COMMD7: variants seen among roughly 807,000 people sequenced by gnomAD.
The protein encoded by COMMD7 is COMM domain-containing protein 7.
A neutral mutation model predicts 34.8 loss-of-function variants in COMMD7; 28 were observed. The ratio of observed to expected loss-of-function variants is 0.80; its 90% CI spans 0.60 to 1.10. The LOEUF (loss-of-function observed/expected upper bound fraction) is 1.10, where lower values mean the gene tolerates loss of function less well. Ranked by LOEUF, COMMD7 falls within the 50% of genes least tolerant of loss-of-function variation. COMMD7 has a pLI of 0.00. For missense variants in COMMD7, 211 were observed against 241.6 expected (o/e 0.87, Z 0.84); for synonymous variants, 80 against 86.4 (o/e 0.93, Z 0.41).
At chr20:32,742,930 T>G (rs1027971846) in intron 1 of COMMD7, among the ~76,000 whole-genome samples, 1 of 152,008 alleles carries the variant, frequency 6.6e-6, no homozygotes, top group Admixed American at 6.6e-5. Context: ...ACGCCCTTAG[T>G]CTGTTCCTTC....
At chr20:32,709,157 C>A (rs1466289091) in intron 3 of COMMD7, among the ~76,000 whole-genome samples, 2 of 151,824 alleles carry the variant, frequency 1.3e-5, no homozygotes, top group Non-Finnish European at 2.9e-5. Context: ...ATGGAGAGAC[C>A]AGGCACGGTG....
intron 3 of COMMD7, among the ~76,000 whole-genome samples, chr20:32,725,904 A>C (rs1050361950): frequency 1.3e-5 from 2 of 151,516 alleles, no homozygotes; most frequent in African/African-American, 4.9e-5. Flanking sequence ...TAATAATAAT[A>C]ATACAAAAAA....
chr20:32,723,045 A>AAATAAATAAATAAAT (rs1555806267), intron 3 of COMMD7, among the ~76,000 whole-genome samples: 2 of 40,380 alleles, frequency 5.0e-5, no homozygotes, highest in African/African-American at 8.6e-5. Flanking sequence ...ATAAATAAAT[A>AAATAAATAAATAAAT]AATAATAATA....
chr20:32,704,375 A>C, intron 7 of COMMD7, 65 bp downstream of exon 7: 2 of 1,330,372 alleles, frequency 1.5e-6, no homozygotes, highest in African/African-American at 2.0e-5. Flanking sequence ...ATTTAACCCA[A>C]TGTAGATATA....
In COMMD7 at chr20:32,743,393, G is replaced by T; in HGVS notation, c.-2C>A. 1 of 1,385,740 alleles carries T rather than the reference G, an allele frequency of 7.2e-7. No homozygotes were observed. Among genetic ancestry groups the T allele is most frequent in the Non-Finnish European group, 9.3e-7 (1 of 1,075,492 alleles). The allele number at this position is 1,385,740 out of a possible 1,614,324, so 85.8% of individuals were successfully genotyped here. On this transcript the variant is annotated 5_prime_UTR_variant, in exon 1 of 9. Transcript: ENST00000278980. The stretch of plus-strand genomic sequence containing the variant: ...CTCAGTGCAGTGCAGGCGGCCCATG[G>T]CGCGCGCCCCAGCCCCGCAGGTTCC...
intron 3 of COMMD7, among the ~76,000 whole-genome samples, chr20:32,709,947 C>T (rs572953024): frequency 4.6e-5 from 7 of 151,376 alleles, no homozygotes; most frequent in South Asian, 4.2e-4. Context: ...GGTGTAATCA[C>T]GGCTCATTAC....
In COMMD7 at chr20:32,718,088, C is replaced by CA. The variant is rs10711557; in HGVS notation, c.241+9804dup. Among the ~76,000 whole-genome samples the CA allele has an allele frequency of 6.5e-3, 897 of 137,928 alleles. 10 individuals carry two copies. Among genetic ancestry groups the CA allele is most frequent in the East Asian group, 0.037 (167 of 4,532 alleles). 90.5% of individuals were successfully genotyped at this position (137,928 alleles called of 152,430 possible). On this transcript the variant is annotated intron_variant, in intron 3 of 8. Coordinates refer to ENST00000278980, the MANE Select transcript of COMMD7 (RefSeq NM_053041.3). The stretch of plus-strand genomic sequence containing the variant: ...TCGGCGACAGAGCGAGACTGCCTCT[C>CA]AAAAAAAAAAAAAAATCAATAAAAT...
intron 6 of COMMD7, 82 bp from the exon 7 acceptor site, chr20:32,704,571 T>C: frequency 3.4e-6 from 5 of 1,464,416 alleles, no homozygotes; most frequent in Non-Finnish European, 3.7e-6. Context: ...AGACCCCAGT[T>C]TTGCAGCTGT....
intron 3 of COMMD7, among the ~76,000 whole-genome samples, chr20:32,712,612 TA>T (rs34447587): frequency 3.5e-4 from 50 of 141,896 alleles, no homozygotes; most frequent in Admixed American, 8.6e-4. Flanking sequence ...CCCAGACCTT[TA>T]AAAAAAAAAA....
In COMMD7 at chr20:32,739,473, A is replaced by G. The variant is rs369272628; in HGVS notation, c.84+3835T>C. 7.2e-5 allele frequency among the ~76,000 whole-genome samples: 11 copies of G among 151,846 alleles called. No individual in the cohort carries two copies. In the East Asian group the frequency reaches 1.9e-3, roughly 27 times the overall value. On this transcript the variant is annotated intron_variant, in intron 1 of 8. Coordinates refer to ENST00000278980, the MANE Select transcript of COMMD7 (RefSeq NM_053041.3). The stretch of plus-strand genomic sequence containing the variant: ...ATCCTCACTAAAGCGGTGAAACCCC[A>G]TCTCTACTAAAAATACAAAAAATTA...
At chr20:32,741,181 A>T (rs555470977) in intron 1 of COMMD7, among the ~76,000 whole-genome samples, 24 of 152,112 alleles carry the variant, frequency 1.6e-4, no homozygotes, top group African/African-American at 5.5e-4. Context: ...ACAGTAGGCT[A>T]AGGTCAACTT....
At chr20:32,707,051 A>G (rs1243158589) in intron 3 of COMMD7, among the ~76,000 whole-genome samples, 1 of 150,688 alleles carries the variant, frequency 6.6e-6, no homozygotes, top group Non-Finnish European at 1.5e-5. Context: ...AGGCAGGTGG[A>G]TCACGACATC....
intron 3 of COMMD7, among the ~76,000 whole-genome samples, chr20:32,714,687 G>A (rs935529298): frequency 9.9e-5 from 15 of 152,094 alleles, no homozygotes; most frequent in Admixed American, 2.0e-4. Context: ...AGCCGGGCAC[G>A]GTGGTGCATG....
chr20:32,706,832 A>G, intron 3 of COMMD7, 72 bp from the exon 4 acceptor site: 2 of 1,262,828 alleles, frequency 1.6e-6, no homozygotes, highest in South Asian at 2.4e-5. Flanking sequence ...TTTAATGGGC[A>G]CAACCTATGT....
chr20:32,727,721 A>C (rs1985596101), intron 3 of COMMD7, among the ~76,000 whole-genome samples, 172 bp downstream of exon 3: 1 of 152,092 alleles, frequency 6.6e-6, no homozygotes, highest in Non-Finnish European at 1.5e-5. Context: ...CTATTCAACT[A>C]TACTATGTTC....
intron 5 of COMMD7, 46 bp downstream of exon 5, chr20:32,706,537 C>T: frequency 6.8e-7 from 1 of 1,463,836 alleles, no homozygotes; most frequent in Non-Finnish European, 9.4e-7. Flanking sequence ...GAAAGAAAAG[C>T]AAGGGATCTT....
intron 1 of COMMD7, among the ~76,000 whole-genome samples, chr20:32,730,925 C>G (rs888548495): frequency 6.6e-6 from 1 of 152,116 alleles, no homozygotes; most frequent in African/African-American, 2.4e-5. Flanking sequence ...TTAAAACCCC[C>G]AAAGTTGTAT....
At chr20:32,714,450 G>A (rs913583335) in intron 3 of COMMD7, among the ~76,000 whole-genome samples, 4 of 149,222 alleles carry the variant, frequency 2.7e-5, no homozygotes, top group African/African-American at 9.9e-5. Flanking sequence ...CACTTTGGGA[G>A]GCCGAGGCAA....
At position 32,715,032 on chromosome 20, in the gene COMMD7, A is replaced by G. The variant is rs1484888630; in HGVS notation, c.242-8272T>C. 2.0e-5 allele frequency among the ~76,000 whole-genome samples: 3 copies of G among 150,080 alleles called. No homozygotes were observed. The East Asian group carries it at 6.0e-4, about 30-fold the overall frequency. On this transcript the variant is annotated intron_variant, in intron 3 of 8. Transcript: ENST00000278980. ...CTCAAAAAAATAAAAATAAAAATAA[A>G]TAAATAAATAAATAAATAAATGAAA...
Sources: allele counts gnomAD v4.1 joint callset (sites outside exome capture counted in the v4.1 genomes callset), GRCh38; gene constraint gnomAD v4.1.1; transcripts MANE v1.5; gene names NCBI Gene and HGNC (gene_info 2026-07-23, HGNC 2026-07-21).